The following PTPRT variants were observed in gnomAD, a reference collection of about 807,000 sequenced individuals.
PTPRT encodes the protein receptor-type tyrosine-protein phosphatase T.
Under a neutral mutation model 176.8 loss-of-function variants are expected in PTPRT, and 56 were observed. The ratio of observed to expected loss-of-function variants is 0.32; its 90% CI spans 0.26 to 0.40. PTPRT has a LOEUF of 0.40. Ranked by LOEUF, PTPRT falls within the 10% of genes least tolerant of loss-of-function variation. The pLI, the probability that PTPRT is intolerant of heterozygous loss-of-function variation, is 1.00. For missense variants in PTPRT, 1,540 were observed against 1,908.2 expected (o/e 0.81, Z 3.60); for synonymous variants, 783 against 739.0 (o/e 1.06, Z -0.96).
chr20:42,099,543 G>GGGT lies in PTPRT; in HGVS notation c.3715-992_3715-991insACC, dbSNP rs1176388795. 7.3e-4 allele frequency among the ~76,000 whole-genome samples: 32 copies of GGGT among 43,888 alleles called. No homozygotes were observed. The East Asian group carries it at 0.012, about 17-fold the overall frequency. The allele number at this position is 43,888 out of a possible 152,430, so 28.8% of individuals were successfully genotyped here. On this transcript the variant is annotated intron_variant, in intron 26 of 30. Transcript: ENST00000373187. ...AACAGAGGCCCAGAGAAAATGGCCT[G>GGGT]GGCGGGGGGGGGGGGGGTGGGGTGG... is the stretch of plus-strand genomic sequence containing the variant.
At chr20:43,071,289 T>C (rs975234349) in intron 1 of PTPRT, among the ~76,000 whole-genome samples, 1 of 152,168 alleles carries the variant, frequency 6.6e-6, no homozygotes, top group Admixed American at 6.5e-5. Flanking sequence ...TCGTTAGATA[T>C]GCAAATCTCA....
chr20:42,093,389 T>C (rs1164743892), intron 27 of PTPRT, among the ~76,000 whole-genome samples: 1 of 152,202 alleles, frequency 6.6e-6, no homozygotes, highest in African/African-American at 2.4e-5. Context: ...ATCTGTAAGG[T>C]TGAATGCAGA....
At chr20:42,266,496 C>G (rs2056840643) in intron 13 of PTPRT, among the ~76,000 whole-genome samples, 1 of 152,124 alleles carries the variant, frequency 6.6e-6, no homozygotes, top group Non-Finnish European at 1.5e-5. Flanking sequence ...ACTGAGTTCT[C>G]TTAATGTTAA....
chr20:42,612,379 C>T (rs1164691046), intron 7 of PTPRT, among the ~76,000 whole-genome samples: 1 of 152,118 alleles, frequency 6.6e-6, no homozygotes, highest in Admixed American at 6.5e-5. Context: ...GAGAAACACC[C>T]CCCACCCCAA....
At chr20:42,526,130 AAG>A (rs2072263902) in intron 7 of PTPRT, among the ~76,000 whole-genome samples, 1 of 152,078 alleles carries the variant, frequency 6.6e-6, no homozygotes, top group Admixed American at 6.5e-5. Context: ...GAATATTCTA[AAG>A]AGTGTTTCCC....
intron 13 of PTPRT, among the ~76,000 whole-genome samples, chr20:42,270,803 C>T (rs2056921721): frequency 6.6e-6 from 1 of 152,136 alleles, no homozygotes; most frequent in Non-Finnish European, 1.5e-5. Flanking sequence ...TGTTAGACTT[C>T]CCTTTCTGCA....
intron 7 of PTPRT, among the ~76,000 whole-genome samples, chr20:42,669,212 G>T (rs568744737): frequency 6.6e-6 from 1 of 152,206 alleles, no homozygotes; most frequent in African/African-American, 2.4e-5. Flanking sequence ...AGGAAGTGCT[G>T]GTCATAATCC....
intron 1 of PTPRT, among the ~76,000 whole-genome samples, chr20:43,098,760 T>C (rs2012273804): frequency 6.6e-6 from 1 of 152,136 alleles, no homozygotes; most frequent in South Asian, 2.1e-4. Flanking sequence ...AGTGACTGTC[T>C]ACAAAGGCCA....
intron 15 of PTPRT, among the ~76,000 whole-genome samples, chr20:42,210,085 C>A (rs1346579820): frequency 6.6e-6 from 1 of 152,164 alleles, no homozygotes; most frequent in African/African-American, 2.4e-5. Flanking sequence ...AAGCCTTTGA[C>A]AAAATTCAAC....
the PTPRT span, among the ~76,000 whole-genome samples, chr20:42,037,010 C>T: frequency 6.6e-6 from 1 of 152,160 alleles, no homozygotes; most frequent in Non-Finnish European, 1.5e-5. Flanking sequence ...AGAGCTGAAG[C>T]AACCCTCCCT....
intron 1 of PTPRT, among the ~76,000 whole-genome samples, chr20:43,012,567 G>A (rs1985184266): frequency 6.6e-6 from 1 of 152,154 alleles, no homozygotes; most frequent in African/African-American, 2.4e-5. Context: ...CTTAAAAATG[G>A]TGTGTTTTGT....
chr20:42,829,271 A>G (rs1222599019), intron 2 of PTPRT, among the ~76,000 whole-genome samples: 1 of 152,184 alleles, frequency 6.6e-6, no homozygotes, highest in African/African-American at 2.4e-5. Flanking sequence ...GAATGGGTGT[A>G]TTTACCCAAT....
At chr20:42,112,860 G>T (rs1321554617) in intron 22 of PTPRT, among the ~76,000 whole-genome samples, 2 of 152,240 alleles carry the variant, frequency 1.3e-5, no homozygotes, top group Non-Finnish European at 1.5e-5. Context: ...AGGCAGTGAT[G>T]AATGAGCTGA....
intron 6 of PTPRT, among the ~76,000 whole-genome samples, chr20:42,684,121 G>A (rs1049006535): frequency 6.6e-6 from 1 of 152,162 alleles, no homozygotes; most frequent in Admixed American, 6.5e-5. Flanking sequence ...GGGAGGCCAA[G>A]GCAGGAGGAT....
intron 8 of PTPRT, among the ~76,000 whole-genome samples, chr20:42,451,427 C>T (rs2070824711): frequency 6.6e-6 from 1 of 151,784 alleles, no homozygotes; most frequent in African/African-American, 2.4e-5. Flanking sequence ...TGCTGAGTAG[C>T]AGTTGGATAT....
chr20:42,822,715 ACC>A (rs2077917812), intron 2 of PTPRT, among the ~76,000 whole-genome samples: 1 of 151,908 alleles, frequency 6.6e-6, no homozygotes, highest in Non-Finnish European at 1.5e-5. Flanking sequence ...GAAAAAAACA[ACC>A]CATCAAAAAG....
At chr20:42,355,544 A>T (rs2058347261) in intron 9 of PTPRT, among the ~76,000 whole-genome samples, 1 of 152,174 alleles carries the variant, frequency 6.6e-6, no homozygotes, top group Non-Finnish European at 1.5e-5. Context: ...GTAGGCAAAG[A>T]TCTGGGATGG....
At chr20:42,261,871 T>C (rs1381916361) in intron 13 of PTPRT, among the ~76,000 whole-genome samples, 1 of 152,204 alleles carries the variant, frequency 6.6e-6, no homozygotes. Flanking sequence ...TCTGCCCATC[T>C]GGGGCAGCTT....
intron 7 of PTPRT, among the ~76,000 whole-genome samples, chr20:42,511,624 G>A (rs367628644): frequency 5.3e-5 from 8 of 152,076 alleles, no homozygotes; most frequent in East Asian, 1.9e-4. Flanking sequence ...CTAGGAGCTC[G>A]ATAAAGATCA....
Sources: gnomAD v4.1 joint callset for allele counts (sites outside exome capture counted in the v4.1 genomes callset) on GRCh38, gnomAD v4.1.1 for gene constraint, MANE v1.5 for transcripts, NCBI Gene and HGNC (gene_info 2026-07-23, HGNC 2026-07-21) for gene names.